RPS6KA6: variants seen among roughly 807,000 people sequenced by gnomAD.
RPS6KA6 encodes ribosomal protein S6 kinase alpha-6.
A neutral mutation model predicts 65.4 loss-of-function variants in RPS6KA6; 27 were observed. The ratio of observed to expected loss-of-function variants is 0.41; its 90% CI spans 0.30 to 0.57. RPS6KA6 has a LOEUF of 0.57. Among genes scored for constraint, RPS6KA6 ranks in the 20% least tolerant of loss-of-function variants. The pLI is 0.24. For synonymous variants in RPS6KA6, 190 were observed against 184.2 expected, an observed-to-expected ratio of 1.03 and a Z score of -0.26; for missense variants, 486 against 555.6, an observed-to-expected ratio of 0.87 and a Z score of 1.26.
At chrX:84,079,350 C>T (rs773565111) in intron 20 of RPS6KA6, among the ~76,000 whole-genome samples, 3 of 111,511 alleles carry the variant, frequency 2.7e-5, no homozygotes, top group Admixed American at 9.5e-5. Flanking sequence ...AGTGCCTAAA[C>T]CACCAGGGCC....
chrX:84,061,456 C>T lies in RPS6KA6; in HGVS notation c.*2821G>A, dbSNP rs925971082. On this transcript the variant is annotated 3_prime_UTR_variant, in exon 22 of 22. Transcript: ENST00000262752. ...AAATTACAAAAAACACTGTTTTAGA[C>T]ATTGCTGAGTCTAACAAAATAGGCT... 5 of 111,651 alleles carry T rather than the reference C, an allele frequency of 4.5e-5. No homozygotes were observed. Among genetic ancestry groups the T allele is most frequent in the Admixed American group, 3.8e-4 (4 of 10,512 alleles). The allele number at this position is 111,651 out of a possible 1,213,427, so 9.2% of individuals were successfully genotyped here.
At chrX:84,108,543 G>A (rs1316839645) in intron 12 of RPS6KA6, among the ~76,000 whole-genome samples, 1 of 111,865 alleles carries the variant, frequency 8.9e-6, no homozygotes, top group Non-Finnish European at 1.9e-5. Flanking sequence ...TGAGACTGGT[G>A]TGGAGCCAGG....
chrX:84,102,229 T>G, intron 17 of RPS6KA6, 31 bp from the exon 18 acceptor site: 6 of 706,065 alleles, frequency 8.5e-6, no homozygotes, highest in African/African-American at 2.2e-5. Flanking sequence ...GCATTATATC[T>G]ATATAATTAA....
At chrX:84,093,225 T>C (rs1348554315) in intron 20 of RPS6KA6, among the ~76,000 whole-genome samples, 1 of 111,823 alleles carries the variant, frequency 8.9e-6, no homozygotes, top group Non-Finnish European at 1.9e-5. Context: ...TGGGTACAAG[T>C]TAATCTTTTT....
chrX:84,175,140 A>C (rs1451507389), intron 1 of RPS6KA6, among the ~76,000 whole-genome samples: 1 of 111,600 alleles, frequency 9.0e-6, no homozygotes, highest in African/African-American at 3.3e-5. Flanking sequence ...TGGGTTAGTC[A>C]TAAAATTGTT....
intron 8 of RPS6KA6, among the ~76,000 whole-genome samples, chrX:84,125,923 T>C (rs1166064599): frequency 9.1e-6 from 1 of 109,931 alleles, no homozygotes; most frequent in Non-Finnish European, 1.9e-5. Flanking sequence ...TCACCTTCAG[T>C]AAAAGGAGGG....
At chrX:84,183,469 CTAA>C (rs779367511) in intron 1 of RPS6KA6, among the ~76,000 whole-genome samples, 3 of 111,433 alleles carry the variant, frequency 2.7e-5, no homozygotes, top group Admixed American at 9.5e-5. Flanking sequence ...AAGCACAAAT[CTAA>C]TAATGTCACT....
At chrX:84,112,336 C>G (rs180900917) in intron 12 of RPS6KA6, among the ~76,000 whole-genome samples, 1 of 111,952 alleles carries the variant, frequency 8.9e-6, no homozygotes, top group Non-Finnish European at 1.9e-5. Context: ...TGGATGTTTA[C>G]AGAATATTCT....
chrX:84,144,823 TC>T (rs1314919381), intron 6 of RPS6KA6, among the ~76,000 whole-genome samples: 1 of 110,812 alleles, frequency 9.0e-6, no homozygotes, highest in Non-Finnish European at 1.9e-5. Flanking sequence ...ATCCATACAA[TC>T]AGTAATACTA....
At chrX:84,076,131 G>A (rs1031564020) in intron 20 of RPS6KA6, among the ~76,000 whole-genome samples, 5 of 111,952 alleles carry the variant, frequency 4.5e-5, no homozygotes. Flanking sequence ...ACAACTAACC[G>A]AAATAGCCAT....
At chrX:84,090,842 T>C (rs1001384403) in intron 20 of RPS6KA6, among the ~76,000 whole-genome samples, 2 of 111,942 alleles carry the variant, frequency 1.8e-5, no homozygotes, top group African/African-American at 3.2e-5. Context: ...GTATACCTCA[T>C]GTCCATTACT....
At chrX:84,119,806 C>A in intron 9 of RPS6KA6, 79 bp downstream of exon 9, 1 of 842,553 alleles carries the variant, frequency 1.2e-6, no homozygotes, top group Non-Finnish European at 1.6e-6. Context: ...CCTGCTAAAT[C>A]CCAAAATTTG....
chrX:84,128,918 C>T (rs1014597292), intron 8 of RPS6KA6, among the ~76,000 whole-genome samples: 8 of 111,818 alleles, frequency 7.2e-5, no homozygotes, highest in African/African-American at 2.6e-4. Flanking sequence ...ATAAACTTGC[C>T]AGCATATTGG....
At chrX:84,154,918 T>C (rs1209999346) in intron 3 of RPS6KA6, among the ~76,000 whole-genome samples, 1 of 112,297 alleles carries the variant, frequency 8.9e-6, no homozygotes, top group African/African-American at 3.2e-5. Context: ...GCTTATACAT[T>C]GTTGTGAACA....
rs139831117 is a variant in RPS6KA6, at chrX:84,123,467, C to T, written c.647-3440G>A. ...TATGGGAGCCCAGTGCTCTGAAGAA[C>T]GAGTTCCCAGCCTGGCAGCATTCAC... On this transcript the variant is annotated intron_variant, in intron 8 of 21. Coordinates refer to ENST00000262752, the MANE Select transcript of RPS6KA6 (RefSeq NM_014496.5). 1.1e-4 allele frequency among the ~76,000 whole-genome samples: 12 copies of T among 112,480 alleles called. No individual in the cohort carries two copies. In the East Asian group the frequency reaches 2.0e-3, roughly 19 times the overall value.
chrX:84,187,798 C>G, intron 1 of RPS6KA6, 21 bp downstream of exon 1: 5 of 1,191,954 alleles, frequency 4.2e-6, no homozygotes, highest in South Asian at 1.8e-5. Context: ...GGCTCCAGCC[C>G]GTCTTGGCCA....
At chrX:84,171,472 A>G (rs2035682621) in intron 1 of RPS6KA6, among the ~76,000 whole-genome samples, 1 of 111,745 alleles carries the variant, frequency 8.9e-6, no homozygotes, top group South Asian at 3.7e-4. Context: ...AAACTCACAT[A>G]TTTGTTCTCA....
At chrX:84,116,457 G>A (rs993368800) in intron 11 of RPS6KA6, among the ~76,000 whole-genome samples, 170 bp from the exon 12 acceptor site, 2 of 111,137 alleles carry the variant, frequency 1.8e-5, no homozygotes, top group African/African-American at 6.5e-5. Flanking sequence ...TCATTTTACT[G>A]TGATAAAAAA....
rs1455315375 is a variant in RPS6KA6, at chrX:84,060,425, T to C, written c.*3852A>G. On this transcript the variant is annotated 3_prime_UTR_variant, in exon 22 of 22. Coordinates refer to ENST00000262752, the MANE Select transcript of RPS6KA6 (RefSeq NM_014496.5). Reference sequence around the variant, plus strand: ...GAAAAATTTGGACTCCATGAGTAGTTTGGATTCAATCTCTCTGTGCTTTTT... The same window carrying C: ...GAAAAATTTGGACTCCATGAGTAGTCTGGATTCAATCTCTCTGTGCTTTTT... 1 of 103,111 alleles carries C rather than the reference T, an allele frequency of 9.7e-6. No individual in the cohort carries two copies. The highest frequency in any genetic ancestry group is 2.0e-5 in the Non-Finnish European group (1 of 50,300). The allele number at this position is 103,111 out of a possible 1,213,427, so 8.5% of individuals were successfully genotyped here.
Sources: allele counts gnomAD v4.1 joint callset (sites outside exome capture counted in the v4.1 genomes callset), GRCh38; gene constraint gnomAD v4.1.1; transcripts MANE v1.5; gene names NCBI Gene and HGNC (gene_info 2026-07-23, HGNC 2026-07-21).